Variants in SGSM3 observed in about 807,000 individuals in gnomAD.
SGSM3 encodes the protein small G protein signaling modulator 3.
Under a neutral mutation model 100.5 loss-of-function variants are expected in SGSM3, and 96 were observed. That is an observed-to-expected ratio of 0.96 (90% CI 0.81 to 1.13). The LOEUF (loss-of-function observed/expected upper bound fraction) is 1.13. Among genes scored for constraint, SGSM3 ranks in the 50% most tolerant of loss-of-function variants. The probability of loss-of-function intolerance (pLI) is 0.00; values close to 1 mark genes in which losing one functional copy is unlikely to be tolerated. For synonymous variants in SGSM3, 483 were observed against 422.8 expected (o/e 1.14, Z -1.75); for missense variants, 1,001 against 1,015.8 (o/e 0.99, Z 0.20).
chr22:40,401,228 T>C (rs1372057963), intron 2 of SGSM3, among the ~76,000 whole-genome samples: 1 of 152,134 alleles, frequency 6.6e-6, no homozygotes, highest in Non-Finnish European at 1.5e-5. Context: ...ATTTCCTGAT[T>C]TGAATTTTGC....
intron 1 of SGSM3, among the ~76,000 whole-genome samples, chr22:40,381,809 A>G (rs747585745): frequency 6.6e-5 from 10 of 152,048 alleles, no homozygotes; most frequent in Non-Finnish European, 1.0e-4. Context: ...ATATACAAAA[A>G]ACTAGCCAGG....
At chr22:40,408,239 G>C in intron 15 of SGSM3, 38 bp from the exon 16 acceptor site, 2 of 1,609,708 alleles carry the variant, frequency 1.2e-6, no homozygotes, top group East Asian at 4.5e-5. Context: ...GGCTGCAGGC[G>C]TCAGGCAGGG....
chr22:40,374,632 C>G (rs1408789560), intron 1 of SGSM3, among the ~76,000 whole-genome samples: 1 of 152,224 alleles, frequency 6.6e-6, no homozygotes, highest in Admixed American at 6.5e-5. Context: ...CCTGTAATCC[C>G]AGCACTTTGG....
At chr22:40,409,163 T>TGAGAG in intron 19 of SGSM3, 87 bp from the exon 20 acceptor site, 2 of 1,557,610 alleles carry the variant, frequency 1.3e-6, no homozygotes, top group South Asian at 2.4e-5. Flanking sequence ...TGGGAGCTGC[T>TGAGAG]GAGAGACAGG....
In SGSM3 at chr22:40,409,812, C is replaced by CCAAG; in HGVS notation, c.*55_*58dup. Reference sequence around the variant, plus strand: ...CCTGCGTCTGAGGTGGCCCAGGACCCCAAGCTGCAGAGCCCAGGGAAGAGC... The same window carrying CCAAG: ...CCTGCGTCTGAGGTGGCCCAGGACCCCAAGCAAGCTGCAGAGCCCAGGGAAGAGC... On this transcript the variant is annotated 3_prime_UTR_variant, in exon 22 of 22. Coordinates refer to ENST00000248929, the MANE Select transcript of SGSM3 (RefSeq NM_015705.6). 1 of 1,577,798 alleles carries CCAAG rather than the reference C, an allele frequency of 6.3e-7. No individual in the cohort carries two copies.
chr22:40,378,862 T>C (rs1231536739), intron 1 of SGSM3, among the ~76,000 whole-genome samples: 1 of 152,210 alleles, frequency 6.6e-6, no homozygotes, highest in Admixed American at 6.5e-5. Context: ...CTAGAGTTCT[T>C]TTTAGAAGAT....
At chr22:40,373,832 T>C (rs1482887051) in intron 1 of SGSM3, among the ~76,000 whole-genome samples, 2 of 152,148 alleles carry the variant, frequency 1.3e-5, no homozygotes, top group African/African-American at 4.8e-5. Context: ...GCCAGGATGG[T>C]CTCCATCTCT....
intron 1 of SGSM3, among the ~76,000 whole-genome samples, chr22:40,384,518 C>T (rs1807283422): frequency 6.6e-6 from 1 of 152,132 alleles, no homozygotes; most frequent in Non-Finnish European, 1.5e-5. Flanking sequence ...CGGTGGCTCA[C>T]GCCTGTAATC....
chr22:40,371,457 T>C (rs1264160865), intron 1 of SGSM3, among the ~76,000 whole-genome samples: 1 of 152,214 alleles, frequency 6.6e-6, no homozygotes, highest in African/African-American at 2.4e-5. Flanking sequence ...ACCTTTCTTA[T>C]TCTTTCTTAG....
chr22:40,401,051 C>G (rs2050689421), intron 2 of SGSM3, among the ~76,000 whole-genome samples: 1 of 152,104 alleles, frequency 6.6e-6, no homozygotes, highest in Non-Finnish European at 1.5e-5. Context: ...AGAAAGAGGC[C>G]GGAAGATGAA....
intron 19 of SGSM3, 42 bp downstream of exon 19, chr22:40,409,060 G>A (rs1464391679): frequency 1.3e-6 from 2 of 1,553,514 alleles, no homozygotes; most frequent in Admixed American, 2.0e-5. Context: ...CTGGAGTGGG[G>A]GGACCCAGCC....
Position 40,409,735 on chromosome 22 carries a change from C to T in SGSM3, c.2226C>T (p.Leu742=). Residue 742 remains leucine (L), a synonymous_variant, in exon 22 of 22, where the codon CTC becomes CTT. Transcript: ENST00000248929. ...GGGACATGCTGGTGAAGCACCACCT[C>T]TTCAGCTGGGATGTGGACGGGTGAC... ...GVRDMLVKHH[L]FSWDVDG 1 of 1,611,070 alleles carries T rather than the reference C, an allele frequency of 6.2e-7. No homozygotes were observed. The highest frequency in any genetic ancestry group is 1.1e-5 in the South Asian group (1 of 91,052).
At chr22:40,408,881 T>C in intron 18 of SGSM3, 39 bp downstream of exon 18, 1 of 1,613,936 alleles carries the variant, frequency 6.2e-7, no homozygotes, top group Non-Finnish European at 8.5e-7. Flanking sequence ...GAGACCTCTC[T>C]GGGGTTAGCC....
intron 1 of SGSM3, chr22:40,373,013 T>C (rs547923048): frequency 6.6e-6 from 1 of 152,338 alleles, no homozygotes; most frequent in South Asian, 2.1e-4. Flanking sequence ...CCTGTTTCTT[T>C]GCCATCACAT....
rs1555954279 is a variant in SGSM3 at position 40,410,097 on chromosome 22, G to GTCT, written c.*340_*342dup. The GTCT allele has an allele frequency of 2.2e-5, 26 of 1,194,424 alleles. No homozygotes were observed. The highest frequency in any genetic ancestry group is 4.5e-5 in the Admixed American group (1 of 22,282). The allele number at this position is 1,194,424 out of a possible 1,614,324, so 74.0% of individuals were successfully genotyped here. A position where few individuals can be genotyped will look rare whatever the true frequency, so the allele number is the denominator to read the frequency against. ...TTTGGTTTATAAATAAACTGTGTCT[G>GTCT]TCTTTGAGAAAGCACCTACCTGTCT... is the stretch of plus-strand genomic sequence containing the variant. On this transcript the variant is annotated 3_prime_UTR_variant, in exon 22 of 22. Coordinates refer to ENST00000248929, the MANE Select transcript of SGSM3 (RefSeq NM_015705.6).
chr22:40,406,737 G>A (rs567850727), intron 10 of SGSM3, 75 bp downstream of exon 10: 16 of 1,279,008 alleles, frequency 1.3e-5, no homozygotes, highest in East Asian at 4.9e-5. Flanking sequence ...TTCAGAGCGC[G>A]GGGGCTGCGG....
At chr22:40,385,941 TC>T (rs1159139683) in intron 1 of SGSM3, among the ~76,000 whole-genome samples, 1 of 151,582 alleles carries the variant, frequency 6.6e-6, no homozygotes, top group African/African-American at 2.4e-5. Context: ...AGCGTCGACC[TC>T]CCGGGCCCAG....
chr22:40,373,430 GTT>G (rs1226932092), intron 1 of SGSM3: 1 of 152,046 alleles, frequency 6.6e-6, no homozygotes, highest in African/African-American at 2.4e-5. Context: ...CCTCAACTCT[GTT>G]GAAACTACTC....
rs368788322 is a variant in SGSM3, at chr22:40,405,703, T to C, written c.673T>C (p.Ser225Pro). Reference protein sequence around the residue: ...LEEEDAFWMMSAIIEDLLPAS... With the variant: ...LEEEDAFWMMPAIIEDLLPAS... ...GGAGGAGGACGCCTTCTGGATGATG[T>C]CTGCCATCATCGAGGACCTGCTCCC... Residue 225 changes from serine (S) to proline (P), a missense_variant, in exon 8 of 22, where the codon TCT becomes CCT. Physicochemically the swap from Ser to Pro is moderately conservative, Grantham distance 74. Coordinates refer to ENST00000248929, the MANE Select transcript of SGSM3 (RefSeq NM_015705.6). 4 of 1,613,700 alleles carry C rather than the reference T, an allele frequency of 2.5e-6. No individual in the cohort carries two copies. Among genetic ancestry groups the C allele is most frequent in the Non-Finnish European group, 3.4e-6 (4 of 1,179,984 alleles).
Sources: gnomAD v4.1 joint callset for allele counts (sites outside exome capture counted in the v4.1 genomes callset) on GRCh38, gnomAD v4.1.1 for gene constraint, MANE v1.5 for transcripts, NCBI Gene and HGNC (gene_info 2026-07-23, HGNC 2026-07-21) for gene names.